HDAC9: variants seen among roughly 807,000 people sequenced by gnomAD.
HDAC9 encodes histone deacetylase 9, also known as MEF-2 interacting transcription repressor (MITR) protein.
A neutral mutation model predicts 139.4 loss-of-function variants in HDAC9; 41 were observed. That is an observed-to-expected ratio of 0.29 (90% CI 0.23 to 0.38). The LOEUF is 0.38. HDAC9 is among the 10% of genes least tolerant of loss of function. The pLI is 1.00. For synonymous variants in HDAC9, 517 were observed against 476.2 expected (o/e 1.09, Z -1.12); for missense variants, 1,147 against 1,297.0 (o/e 0.88, Z 1.78).
intron 1 of HDAC9, among the ~76,000 whole-genome samples, chr7:18,398,730 A>C (rs1787276805): frequency 6.6e-6 from 1 of 152,166 alleles, no homozygotes; most frequent in African/African-American, 2.4e-5. Flanking sequence ...TTTAAAAAGA[A>C]TGTGCTGTTG....
At chr7:18,608,616 A>C (rs1284182333) in intron 6 of HDAC9, among the ~76,000 whole-genome samples, 1 of 152,156 alleles carries the variant, frequency 6.6e-6, no homozygotes, top group African/African-American at 2.4e-5. Context: ...TAATTTTGTC[A>C]ATTATGAGAT....
At chr7:18,853,037 G>T (rs1330848024) in intron 21 of HDAC9, among the ~76,000 whole-genome samples, 2 of 152,102 alleles carry the variant, frequency 1.3e-5, no homozygotes, top group South Asian at 2.1e-4. Context: ...TGGTGTGAAG[G>T]GTCTTCACCT....
chr7:18,339,379 C>A (rs1224961980), intron 1 of HDAC9, among the ~76,000 whole-genome samples: 1 of 151,326 alleles, frequency 6.6e-6, no homozygotes, highest in East Asian at 1.9e-4. Flanking sequence ...GATCTTTCTT[C>A]TTTTCTACTA....
At chr7:18,333,214 T>A (rs186159121) in intron 1 of HDAC9, among the ~76,000 whole-genome samples, 10 of 151,472 alleles carry the variant, frequency 6.6e-5, no homozygotes, top group Admixed American at 5.9e-4. Flanking sequence ...GAGATAGAAA[T>A]AGAGAATGTT....
At chr7:18,912,273 C>T (rs1802808729) in intron 22 of HDAC9, among the ~76,000 whole-genome samples, 1 of 151,976 alleles carries the variant, frequency 6.6e-6, no homozygotes, top group Admixed American at 6.6e-5. Flanking sequence ...GTTATTTCCT[C>T]TCTTATGTTC....
intron 2 of HDAC9, among the ~76,000 whole-genome samples, chr7:18,208,376 T>TC (rs1791691878): frequency 6.7e-6 from 1 of 150,006 alleles, no homozygotes; most frequent in Non-Finnish European, 1.5e-5. Flanking sequence ...GAGTATCTTT[T>TC]TTTTTTTTTT....
chr7:18,131,198 T>G (rs764435432), intron 1 of HDAC9, among the ~76,000 whole-genome samples: 1 of 152,178 alleles, frequency 6.6e-6, no homozygotes, highest in African/African-American at 2.4e-5. Context: ...ATGGTATGTG[T>G]AAAGAACACA....
At chr7:18,392,168 C>G (rs1272672793) in intron 1 of HDAC9, among the ~76,000 whole-genome samples, 1 of 151,994 alleles carries the variant, frequency 6.6e-6, no homozygotes, top group Non-Finnish European at 1.5e-5. Context: ...CCTATCTTGA[C>G]CTTAGATTCC....
At chr7:18,218,390 G>A (rs1362066920) in intron 2 of HDAC9, among the ~76,000 whole-genome samples, 2 of 152,138 alleles carry the variant, frequency 1.3e-5, no homozygotes, top group Non-Finnish European at 2.9e-5. Flanking sequence ...ATTGTAGTGA[G>A]CTGAGATCAC....
At chr7:18,610,507 A>G (rs911949275) in intron 6 of HDAC9, among the ~76,000 whole-genome samples, 1 of 152,164 alleles carries the variant, frequency 6.6e-6, no homozygotes. Context: ...GGACCATCTC[A>G]TTCGGACAGC....
chr7:18,140,986 G>A (rs542873558), intron 1 of HDAC9, among the ~76,000 whole-genome samples: 1 of 150,694 alleles, frequency 6.6e-6, no homozygotes, highest in African/African-American at 2.4e-5. Flanking sequence ...AATTCTCAAT[G>A]AGCAGCATTT....
chr7:18,885,649 T>G (rs1289171833), intron 22 of HDAC9, among the ~76,000 whole-genome samples: 2 of 152,206 alleles, frequency 1.3e-5, no homozygotes, highest in Non-Finnish European at 2.9e-5. Context: ...TCACTAGGTT[T>G]AATGGGTTAT....
At chr7:18,396,395 T>C (rs1787065850) in intron 1 of HDAC9, among the ~76,000 whole-genome samples, 1 of 152,100 alleles carries the variant, frequency 6.6e-6, no homozygotes. Context: ...GGAGGGATAG[T>C]ATAGATGAGC....
intron 25 of HDAC9, among the ~76,000 whole-genome samples, chr7:18,990,084 C>T (rs1239269278): frequency 6.6e-6 from 1 of 152,150 alleles, no homozygotes; most frequent in Non-Finnish European, 1.5e-5. Flanking sequence ...CAGCTTTGTT[C>T]CATTGCTGGT....
At chr7:18,829,668 C>T (rs1336806497) in intron 19 of HDAC9, 120 bp downstream of exon 19, 1 of 631,632 alleles carries the variant, frequency 1.6e-6, no homozygotes, top group Non-Finnish European at 2.8e-6. Flanking sequence ...GGTGTGTTTT[C>T]CTTTGAATGT....
At chr7:18,762,323 T>A (rs369449059) in intron 15 of HDAC9, 46 bp downstream of exon 15, 2 of 1,599,746 alleles carry the variant, frequency 1.3e-6, no homozygotes, top group Admixed American at 3.4e-5. Flanking sequence ...ATTCCAGCAC[T>A]ATCATTAGTC....
At chr7:18,177,308 T>G (rs569849401) in intron 2 of HDAC9, among the ~76,000 whole-genome samples, 1 of 152,340 alleles carries the variant, frequency 6.6e-6, no homozygotes, top group Non-Finnish European at 1.5e-5. Context: ...GCTTCCTGAT[T>G]AGCAAGTCTG....
At chr7:18,372,116 A>G (rs1282048535) in intron 1 of HDAC9, among the ~76,000 whole-genome samples, 1 of 152,224 alleles carries the variant, frequency 6.6e-6, no homozygotes, top group African/African-American at 2.4e-5. Flanking sequence ...ACTCACATTC[A>G]ACAAACTGAT....
intron 16 of HDAC9, among the ~76,000 whole-genome samples, chr7:18,778,570 G>A (rs929798014): frequency 2.0e-5 from 3 of 152,002 alleles, no homozygotes; most frequent in African/African-American, 7.2e-5. Flanking sequence ...TACTAAAATG[G>A]TATTTCTTGG....
Sources: gnomAD v4.1 joint callset for allele counts (sites outside exome capture counted in the v4.1 genomes callset) on GRCh38, gnomAD v4.1.1 for gene constraint, MANE v1.5 for transcripts, NCBI Gene and HGNC (gene_info 2026-07-23, HGNC 2026-07-21) for gene names.